Variants in CALD1 observed in about 807,000 individuals in gnomAD.
The protein encoded by CALD1 is caldesmon 1.
In CALD1, 33 loss-of-function variants were observed where a neutral mutation model predicts 99.9. The ratio of observed to expected loss-of-function variants is 0.33; its 90% CI spans 0.25 to 0.44. The LOEUF is 0.44. CALD1 is among the 20% of genes least tolerant of loss of function. The pLI, the probability that CALD1 is intolerant of heterozygous loss-of-function variation, is 1.00. For missense variants in CALD1, 861 were observed against 962.1 expected, an observed-to-expected ratio of 0.89 and a Z score of 1.39; for synonymous variants, 310 against 325.0, an observed-to-expected ratio of 0.95 and a Z score of 0.50.
intron 1 of CALD1, chr7:134,822,209 A>G (rs1280953149): frequency 2.0e-5 from 3 of 152,200 alleles, no homozygotes; most frequent in Non-Finnish European, 2.9e-5. Context: ...AAGGTTATAT[A>G]TTGAAGAGAA....
At chr7:134,811,998 C>T (rs1200352573) in intron 1 of CALD1, among the ~76,000 whole-genome samples, 1 of 152,116 alleles carries the variant, frequency 6.6e-6, no homozygotes, top group Non-Finnish European at 1.5e-5. Context: ...AGAGATAGCA[C>T]TGAAACAGGA....
rs183890700 is a variant in CALD1, at chr7:134,821,389, G to T, written c.-129-22495G>T. Among the ~76,000 whole-genome samples the T allele has an allele frequency of 4.5e-3, 681 of 151,872 alleles. 5 individuals are homozygous for T. Among genetic ancestry groups the T allele is most frequent in the Non-Finnish European group, 6.6e-3 (448 of 67,954 alleles). On this transcript the variant is annotated intron_variant, in intron 1 of 14. Transcript: ENST00000361675. ...AGCTGTTTCTCTTTGTTAAATTATT[G>T]TAAGTAATATTTCTAAATATTAGAC...
chr7:134,820,102 C>A lies in CALD1; in HGVS notation c.-129-23782C>A, dbSNP rs771457688. ...GTTGGATTTTCATGGAAATTCAGAT[C>A]TAAGAGAGAATTTTGAGTTCATGTC... On this transcript the variant is annotated intron_variant, in intron 1 of 14. Coordinates refer to ENST00000361675, the MANE Select transcript of CALD1 (RefSeq NM_033138.4). 7.9e-5 allele frequency among the ~76,000 whole-genome samples: 12 copies of A among 152,204 alleles called. No individual in the cohort carries two copies. In the East Asian group the frequency reaches 2.1e-3, roughly 27 times the overall value.
intron 4 of CALD1, among the ~76,000 whole-genome samples, chr7:134,932,438 C>T (rs1805593036): frequency 6.6e-6 from 1 of 152,210 alleles, no homozygotes; most frequent in African/African-American, 2.4e-5. Context: ...TCAGTTTGAT[C>T]CTTAAGTTTG....
intron 1 of CALD1, among the ~76,000 whole-genome samples, chr7:134,766,614 A>C (rs1164259493): frequency 2.0e-5 from 3 of 152,174 alleles, no homozygotes; most frequent in African/African-American, 7.2e-5. Context: ...TATGCATTTT[A>C]TTTCATTTAA....
At chr7:134,800,008 A>G (rs549763453) in intron 1 of CALD1, among the ~76,000 whole-genome samples, 118 of 152,360 alleles carry the variant, frequency 7.7e-4, no homozygotes, top group Non-Finnish European at 1.0e-3. Flanking sequence ...AGGCAGAATT[A>G]GTTAACCTAT....
At chr7:134,902,974 A>G (rs1301439782) in intron 3 of CALD1, among the ~76,000 whole-genome samples, 2 of 152,154 alleles carry the variant, frequency 1.3e-5, no homozygotes, top group East Asian at 3.8e-4. Context: ...ATAGAATATT[A>G]CTCAGAACCA....
intron 1 of CALD1, among the ~76,000 whole-genome samples, chr7:134,829,402 G>A (rs1180163180): frequency 1.3e-5 from 2 of 152,134 alleles, no homozygotes; most frequent in Non-Finnish European, 2.9e-5. Flanking sequence ...GTGTTTTCAG[G>A]GTGTTGCAAT....
intron 1 of CALD1, among the ~76,000 whole-genome samples, chr7:134,760,823 G>A (rs1340701320): frequency 6.6e-6 from 1 of 152,180 alleles, no homozygotes; most frequent in Non-Finnish European, 1.5e-5. Context: ...CAAAGTTCCA[G>A]AATGCAAATT....
chr7:134,718,985 C>T, the CALD1 span, among the ~76,000 whole-genome samples: 3 of 152,290 alleles, frequency 2.0e-5, no homozygotes, highest in East Asian at 5.8e-4. Flanking sequence ...CCATGCTAGC[C>T]TCATGACTAC....
chr7:134,759,114 G>A (rs757167117), intron 1 of CALD1, among the ~76,000 whole-genome samples: 5 of 152,144 alleles, frequency 3.3e-5, no homozygotes, highest in Admixed American at 6.5e-5. Flanking sequence ...TGACCATCAC[G>A]TTTATAAAGA....
intron 1 of CALD1, among the ~76,000 whole-genome samples, chr7:134,781,784 CAA>C (rs1167848641): frequency 1.4e-4 from 21 of 152,154 alleles, no homozygotes; most frequent in Non-Finnish European, 2.4e-4. Context: ...TCATTCCAGT[CAA>C]AAGATTGCCT....
chr7:134,872,357 CAAAAAAA>C (rs35569742), intron 3 of CALD1, among the ~76,000 whole-genome samples: 1 of 100,406 alleles, frequency 1.0e-5, no homozygotes. Flanking sequence ...GACTCGGTCT[CAAAAAAA>C]AAAAAAAAAA....
At chr7:134,764,383 A>G (rs1428124584) in intron 1 of CALD1, among the ~76,000 whole-genome samples, 3 of 152,222 alleles carry the variant, frequency 2.0e-5, no homozygotes, top group Non-Finnish European at 4.4e-5. Context: ...AGAGAAAAAA[A>G]GAGAAATATA....
upstream of CALD1, among the ~76,000 whole-genome samples, chr7:134,739,416 C>A (rs894612024): frequency 6.6e-6 from 1 of 152,186 alleles, no homozygotes; most frequent in East Asian, 1.9e-4. Context: ...CCATACTTAA[C>A]ATGAAATAGC....
chr7:134,873,873 A>G (rs1014610997), intron 3 of CALD1, among the ~76,000 whole-genome samples: 10 of 152,224 alleles, frequency 6.6e-5, no homozygotes, highest in African/African-American at 2.4e-4. Flanking sequence ...CATCTAATAA[A>G]CATTCAATAA....
chr7:134,782,827 AC>A (rs1393083382), intron 1 of CALD1, among the ~76,000 whole-genome samples: 1 of 151,846 alleles, frequency 6.6e-6, no homozygotes, highest in Non-Finnish European at 1.5e-5. Context: ...GTATTTAAGG[AC>A]CCTTGAGTGA....
At chr7:134,758,230 T>A (rs991567783) in intron 1 of CALD1, among the ~76,000 whole-genome samples, 1 of 152,238 alleles carries the variant, frequency 6.6e-6, no homozygotes, top group Non-Finnish European at 1.5e-5. Flanking sequence ...CCAAGACTTA[T>A]GGATTGTTAG....
chr7:134,886,900 C>T (rs1801880088), intron 3 of CALD1, among the ~76,000 whole-genome samples: 1 of 152,192 alleles, frequency 6.6e-6, no homozygotes, highest in African/African-American at 2.4e-5. Flanking sequence ...CCCTTCTTAT[C>T]TTTGCATCCC....
Sources: allele counts gnomAD v4.1 joint callset (sites outside exome capture counted in the v4.1 genomes callset), GRCh38; gene constraint gnomAD v4.1.1; transcripts MANE v1.5; gene names NCBI Gene and HGNC (gene_info 2026-07-23, HGNC 2026-07-21).